The following TRAK1 variants were observed in gnomAD, a reference collection of about 807,000 sequenced individuals.
TRAK1 encodes trafficking kinesin protein 1, also known as trafficking kinesin-binding protein 1.
A neutral mutation model predicts 92.1 loss-of-function variants in TRAK1; 33 were observed. That is an observed-to-expected ratio of 0.36 (90% CI 0.27 to 0.48). The LOEUF is 0.48. Ranked by LOEUF, TRAK1 falls within the 20% of genes least tolerant of loss-of-function variation. The probability of loss-of-function intolerance (pLI) is 0.99; values close to 1 mark genes in which losing one functional copy is unlikely to be tolerated. For synonymous variants in TRAK1, 521 were observed against 517.3 expected (o/e 1.01, Z -0.10); for missense variants, 1,123 against 1,257.9 (o/e 0.89, Z 1.62).
chr3:42,156,682 T>C (rs1176212044), intron 2 of TRAK1, among the ~76,000 whole-genome samples: 1 of 152,160 alleles, frequency 6.6e-6, no homozygotes, highest in African/African-American at 2.4e-5. Flanking sequence ...TTCCCATCCA[T>C]CCACATAAAT....
intron 2 of TRAK1, among the ~76,000 whole-genome samples, chr3:42,175,505 G>A (rs1703098313): frequency 6.6e-6 from 1 of 152,142 alleles, no homozygotes; most frequent in African/African-American, 2.4e-5. Context: ...TGGACAGGAG[G>A]GATCTCATGA....
intron 1 of TRAK1, among the ~76,000 whole-genome samples, chr3:42,112,606 G>A (rs908196225): frequency 6.7e-6 from 1 of 150,038 alleles, no homozygotes; most frequent in Non-Finnish European, 1.5e-5. Flanking sequence ...TTGTTCACAC[G>A]TACCTGTAAT....
intron 1 of TRAK1, among the ~76,000 whole-genome samples, chr3:42,028,425 T>TG (rs1178249137): frequency 6.6e-6 from 1 of 152,174 alleles, no homozygotes; most frequent in African/African-American, 2.4e-5. Flanking sequence ...CACTGAGTTA[T>TG]GACAGTAAAT....
intron 1 of TRAK1, among the ~76,000 whole-genome samples, chr3:42,092,883 AC>A (rs1489755827): frequency 6.6e-6 from 1 of 151,960 alleles, no homozygotes. Flanking sequence ...ACCATGCCTG[AC>A]CCAGGATCTT....
intron 2 of TRAK1, among the ~76,000 whole-genome samples, chr3:42,165,682 G>C (rs539951962): frequency 6.6e-6 from 1 of 152,152 alleles, no homozygotes; most frequent in Non-Finnish European, 1.5e-5. Flanking sequence ...CGAGGGTGCC[G>C]TGCACAACTT....
At chr3:42,023,744 G>GTTTTT (rs780080581) in intron 1 of TRAK1, among the ~76,000 whole-genome samples, 10 of 99,054 alleles carry the variant, frequency 1.0e-4, no homozygotes, top group African/African-American at 3.2e-4. Flanking sequence ...GCTCGTGAGG[G>GTTTTT]TTTTTTTTTT....
chr3:42,103,303 G>C (rs1707063154), intron 1 of TRAK1, among the ~76,000 whole-genome samples: 1 of 152,128 alleles, frequency 6.6e-6, no homozygotes, highest in African/African-American at 2.4e-5. Flanking sequence ...GAGTAGCTGG[G>C]ATTACAGGCG....
At chr3:42,167,867 C>T (rs1275489289) in intron 2 of TRAK1, among the ~76,000 whole-genome samples, 1 of 152,026 alleles carries the variant, frequency 6.6e-6, no homozygotes, top group African/African-American at 2.4e-5. Flanking sequence ...GCGTCACAGC[C>T]GACACTCCAT....
At chr3:42,141,640 T>C (rs1241659365) in intron 2 of TRAK1, among the ~76,000 whole-genome samples, 1 of 152,196 alleles carries the variant, frequency 6.6e-6, no homozygotes, top group Admixed American at 6.5e-5. Flanking sequence ...ATCTGTTCCC[T>C]GCCCCTCTTG....
intron 1 of TRAK1, among the ~76,000 whole-genome samples, chr3:42,044,541 C>G (rs1274698675): frequency 6.6e-6 from 1 of 152,152 alleles, no homozygotes; most frequent in Non-Finnish European, 1.5e-5. Flanking sequence ...GGGCAACTTT[C>G]CTAGAAAGTA....
intron 2 of TRAK1, among the ~76,000 whole-genome samples, chr3:42,148,337 A>G (rs1699574170): frequency 6.6e-6 from 1 of 152,208 alleles, no homozygotes; most frequent in Non-Finnish European, 1.5e-5. Flanking sequence ...AAATGTCAAT[A>G]GTGCTGAGGT....
At chr3:42,199,062 T>G in intron 10 of TRAK1, 115 bp from the exon 11 acceptor site, 3 of 998,778 alleles carry the variant, frequency 3.0e-6, no homozygotes, top group Non-Finnish European at 4.6e-6. Flanking sequence ...GGGAAGACCG[T>G]GAGCTTCTGA....
chr3:42,185,673 C>T (rs374339892), intron 4 of TRAK1, among the ~76,000 whole-genome samples: 6 of 136,606 alleles, frequency 4.4e-5, no homozygotes, highest in Non-Finnish European at 6.2e-5. Flanking sequence ...TTATTCCTTT[C>T]TTTTTTTTTT....
At chr3:42,146,954 G>C (rs1014024854) in intron 2 of TRAK1, among the ~76,000 whole-genome samples, 1 of 152,162 alleles carries the variant, frequency 6.6e-6, no homozygotes, top group Admixed American at 6.5e-5. Context: ...TTAGGAGTTT[G>C]TTGTTAACTA....
intron 2 of TRAK1, among the ~76,000 whole-genome samples, chr3:42,139,907 T>C (rs1698444810): frequency 6.6e-6 from 1 of 152,054 alleles, no homozygotes; most frequent in South Asian, 2.1e-4. Flanking sequence ...TCTGGTTCAC[T>C]TGTGTTTTGA....
At chr3:42,143,276 T>G (rs1698904378) in intron 2 of TRAK1, among the ~76,000 whole-genome samples, 1 of 151,916 alleles carries the variant, frequency 6.6e-6, no homozygotes, top group South Asian at 2.1e-4. Context: ...AGGTGCTAAC[T>G]TGAATCTTTA....
intron 14 of TRAK1, among the ~76,000 whole-genome samples, chr3:42,215,589 T>A (rs1458254836): frequency 6.6e-6 from 1 of 152,138 alleles, no homozygotes; most frequent in African/African-American, 2.4e-5. Context: ...AGCATCCCAC[T>A]ACATGCTTAA....
chr3:42,118,838 T>C (rs1481184455), intron 1 of TRAK1, among the ~76,000 whole-genome samples: 2 of 152,216 alleles, frequency 1.3e-5, no homozygotes, highest in East Asian at 1.9e-4. Context: ...AGGTATTGGA[T>C]TGACATCTGC....
chr3:42,168,381 G>A (rs1702138471), intron 2 of TRAK1, among the ~76,000 whole-genome samples: 1 of 152,144 alleles, frequency 6.6e-6, no homozygotes, highest in Non-Finnish European at 1.5e-5. Flanking sequence ...GTTCGGGGAT[G>A]CTTGCTTGAG....
Sources: gnomAD v4.1 joint callset for allele counts (sites outside exome capture counted in the v4.1 genomes callset) on GRCh38, gnomAD v4.1.1 for gene constraint, MANE v1.5 for transcripts, NCBI Gene and HGNC (gene_info 2026-07-23, HGNC 2026-07-21) for gene names.